Variants in RHBDF2 observed in about 807,000 individuals in gnomAD.
The protein encoded by RHBDF2 is inactive rhomboid protein 2.
RHBDF2 carries 38 observed loss-of-function variants against 95.2 expected under a neutral mutation model. The observed-to-expected ratio is 0.40, with a 90% confidence interval of 0.31 to 0.52. The LOEUF is 0.52. Among genes scored for constraint, RHBDF2 ranks in the 20% least tolerant of loss-of-function variants. The pLI is 0.56. For synonymous variants in RHBDF2, 442 were observed against 462.0 expected, an observed-to-expected ratio of 0.96 and a Z score of 0.55; for missense variants, 863 against 1,137.7, an observed-to-expected ratio of 0.76 and a Z score of 3.47.
rs774779135 is a variant in RHBDF2, at chr17:76,481,425, G to A, written c.100C>T (p.Pro34Ser). 8.7e-6 allele frequency: 14 copies of A among 1,612,842 alleles called. No individual in the cohort carries two copies. Among genetic ancestry groups the A allele is most frequent in the Non-Finnish European group, 1.0e-5 (12 of 1,179,996 alleles). ...CCAGGGGCCTGGGTCTCTTTCTCGG[G>A]TGGCGGGATGGTGATGGAGAGGTTG... ...PPNLSITIPP[P>S]EKETQAPGEQ... Residue 34 changes from proline to serine, a missense_variant, in exon 3 of 19, where the codon CCC becomes TCC. Coordinates refer to ENST00000675367, the MANE Select transcript of RHBDF2 (RefSeq NM_001005498.4).
chr17:76,477,927 C>A, intron 6 of RHBDF2, 142 bp from the exon 7 acceptor site: 1 of 1,333,792 alleles, frequency 7.5e-7, no homozygotes, highest in Non-Finnish European at 1.0e-6. Flanking sequence ...CGTGGAGATT[C>A]TGCAAGCTGA....
At chr17:76,497,282 G>A (rs2074449806) in intron 1 of RHBDF2, among the ~76,000 whole-genome samples, 1 of 152,126 alleles carries the variant, frequency 6.6e-6, no homozygotes, top group Non-Finnish European at 1.5e-5. Context: ...GCACAGCTGA[G>A]GGGCACCAAC....
intron 1 of RHBDF2, 21 bp downstream of exon 1, chr17:76,501,332 C>G (rs2074575577): frequency 2.0e-5 from 3 of 152,096 alleles, no homozygotes. Context: ...AGTCCTGCCC[C>G]GCTCGTCGCC....
In RHBDF2 at chr17:76,478,857, C is replaced by T; in HGVS notation, c.621G>A (p.Lys207=). Reference sequence around the variant, plus strand: ...AGCTCATGTGGGCCACAGACATTCTCTTGCGGCGTGGCAGGTGGGAGTAGC... The same window carrying T: ...AGCTCATGTGGGCCACAGACATTCTTTTGCGGCGTGGCAGGTGGGAGTAGC... ...RSGYSHLPRR[K]RMSVAHMSLQ... Residue 207 remains lysine, a synonymous_variant, in exon 6 of 19, where the codon AAG becomes AAA. Transcript: ENST00000675367. 1 of 1,613,734 alleles carries T rather than the reference C, an allele frequency of 6.2e-7. No individual in the cohort carries two copies. The highest frequency in any genetic ancestry group is 8.5e-7 in the Non-Finnish European group (1 of 1,179,870).
rs775289704 is a variant in RHBDF2, at chr17:76,477,222, T to G, written c.878A>C (p.His293Pro). The G allele has an allele frequency of 2.5e-6, 4 of 1,609,434 alleles. No homozygotes were observed. The African/African-American group carries it at 5.4e-5, about 22-fold the overall frequency. The change falls in exon 8 of 19, where the codon CAC becomes CCC. Residue 293 changes from histidine (H) to proline (P), a missense_variant. Coordinates refer to ENST00000675367, the MANE Select transcript of RHBDF2 (RefSeq NM_001005498.4). ...LSASYFRGIP[H>P]SASPVSPDGV... ...ATCGGGGGAGACAGGGGAGGCTGAG[T>G]GTGGGATCCCTCGGAAGTAGCTGGC...
intron 2 of RHBDF2, among the ~76,000 whole-genome samples, chr17:76,483,553 G>A (rs1037979352): frequency 2.0e-5 from 3 of 152,180 alleles, no homozygotes; most frequent in African/African-American, 4.8e-5. Context: ...CCAAAGTGCT[G>A]GGATTACAGG....
At position 76,472,781 on chromosome 17, in the gene RHBDF2, T is replaced by C. The variant is rs377079794; in HGVS notation, c.1969A>G (p.Lys657Glu). 3 of 1,610,732 alleles carry C rather than the reference T, an allele frequency of 1.9e-6. No individual in the cohort carries two copies. Among genetic ancestry groups the C allele is most frequent in the Non-Finnish European group, 2.5e-6 (3 of 1,178,426 alleles). Residue 657 changes from lysine (K) to glutamate (E), a missense_variant, in exon 18 of 19, where the codon AAG becomes GAG. Around this residue, in one of 2 missense-constraint regions of RHBDF2, gnomAD observed 252 missense variants for 412.2 expected, o/e 0.61. Transcript: ENST00000675367. Reference sequence around the variant, plus strand: ...GCGATACGGTGCCAGCCGGCCAGCTTCTCCAGGTCCCTCAGGATGGTCATT... The same window carrying C: ...GCGATACGGTGCCAGCCGGCCAGCTCCTCCAGGTCCCTCAGGATGGTCATT... The part of the protein sequence containing the change: ...FQMTILRDLE[K>E]LAGWHRIAII...
Position 76,486,077 on chromosome 17 carries a change from T to TACACACAC in RHBDF2, c.-22+1627_-22+1634dup, listed in dbSNP as rs57942849. Among the ~76,000 whole-genome samples, 958 of 144,858 alleles carry TACACACAC rather than the reference T, an allele frequency of 6.6e-3. 11 individuals carry two copies. The highest frequency in any genetic ancestry group is 0.029 in the East Asian group (140 of 4,838). The stretch of plus-strand genomic sequence containing the variant: ...AATTCTGTGAATATGTATATATATG[T>TACACACAC]ACACACACACACACACACACACACA... On this transcript the variant is annotated intron_variant, in intron 2 of 18. Transcript: ENST00000675367.
chr17:76,475,583 TTTTC>T (rs1415015002), intron 9 of RHBDF2, among the ~76,000 whole-genome samples: 151 of 151,676 alleles, frequency 1.0e-3, no homozygotes, highest in African/African-American at 3.4e-3. Flanking sequence ...TGTTCTTTTC[TTTTC>T]TTTTTTTTTT....
At chr17:76,491,875 G>A (rs2074310666) in intron 1 of RHBDF2, among the ~76,000 whole-genome samples, 2 of 152,200 alleles carry the variant, frequency 1.3e-5, no homozygotes, top group Non-Finnish European at 2.9e-5. Flanking sequence ...AAGCGCTGGA[G>A]AGCTGGAGCT....
chr17:76,474,231 C>A, intron 12 of RHBDF2, 89 bp from the exon 13 acceptor site: 1 of 1,341,148 alleles, frequency 7.5e-7, no homozygotes, highest in Non-Finnish European at 1.0e-6. Flanking sequence ...CCCATCTCCC[C>A]AGGGCTCAGT....
chr17:76,500,156 G>C (rs1186346241), intron 1 of RHBDF2, among the ~76,000 whole-genome samples: 1 of 152,142 alleles, frequency 6.6e-6, no homozygotes, highest in African/African-American at 2.4e-5. Flanking sequence ...CTGCTGCGCA[G>C]GGTTTCTCAG....
intron 15 of RHBDF2, 102 bp downstream of exon 15, chr17:76,473,546 C>A: frequency 9.2e-7 from 1 of 1,084,398 alleles, no homozygotes; most frequent in South Asian, 1.4e-5. Context: ...GGGCATCGGC[C>A]CAGCGGCTGT....
intron 1 of RHBDF2, among the ~76,000 whole-genome samples, chr17:76,493,951 T>G (rs147867109): frequency 1.1e-4 from 17 of 152,152 alleles, no homozygotes; most frequent in African/African-American, 4.1e-4. Flanking sequence ...GGACTGACCA[T>G]CCCCTGACTT....
intron 18 of RHBDF2, 122 bp from the exon 19 acceptor site, chr17:76,472,174 A>G: frequency 1.0e-6 from 1 of 957,310 alleles, no homozygotes; most frequent in Non-Finnish European, 1.5e-6. Context: ...CCTGAGGCTG[A>G]GGGGCAGGGG....
At chr17:76,474,170 C>T in intron 12 of RHBDF2, 28 bp from the exon 13 acceptor site, 1 of 1,503,534 alleles carries the variant, frequency 6.7e-7, no homozygotes. Flanking sequence ...GCTGGTGGGT[C>T]ATGTCGGGGC....
rs144439539 is a variant in RHBDF2, at chr17:76,474,470, T to C, written c.1367A>G (p.Gln456Arg). The C allele has an allele frequency of 2.5e-6, 4 of 1,614,022 alleles. No individual in the cohort carries two copies. In the African/African-American group the frequency reaches 4.0e-5, roughly 16 times the overall value. Residue 456 changes from glutamine (Q) to arginine (R), a missense_variant, in exon 12 of 19, where the codon CAG becomes CGG. Physicochemically the swap from Gln to Arg is conservative, Grantham distance 43 (BLOSUM62 1). Transcript: ENST00000675367. ...CAGGTCTCGCTCGCGCAGCACCAGC[T>C]GCTCGATCTGCCCGTCCTTCCGGAT... ...PCIRKDGQIE[Q>R]LVLRERDLER...
intron 2 of RHBDF2, among the ~76,000 whole-genome samples, chr17:76,484,144 T>A (rs2074053304): frequency 6.6e-6 from 1 of 152,040 alleles, no homozygotes. Flanking sequence ...ATGCCTGTAA[T>A]CTCAGCTACT....
At chr17:76,476,771 G>A in intron 9 of RHBDF2, 59 bp downstream of exon 9, 2 of 1,506,468 alleles carry the variant, frequency 1.3e-6, no homozygotes, top group Non-Finnish European at 1.8e-6. Context: ...GCTTCAGGAG[G>A]GCCCAGAGGA....
Sources: gnomAD v4.1 joint callset for allele counts (sites outside exome capture counted in the v4.1 genomes callset) on GRCh38, gnomAD v4.1.1 for gene constraint, gnomAD v4.1.1 regional missense constraint, MANE v1.5 for transcripts, NCBI Gene and HGNC (gene_info 2026-07-23, HGNC 2026-07-21) for gene names.